ATF6B: variants seen among roughly 807,000 people sequenced by gnomAD.
ATF6B encodes activating transcription factor 6 beta.
ATF6B carries 50 observed loss-of-function variants against 83.5 expected under a neutral mutation model. That is an observed-to-expected ratio of 0.60 (90% CI 0.48 to 0.76). The LOEUF is 0.76. Among genes scored for constraint, ATF6B ranks in the 30% least tolerant of loss-of-function variants. The pLI is 0.00. For missense variants in ATF6B, 790 were observed against 893.8 expected (o/e 0.88, Z 1.48); for synonymous variants, 344 against 362.8 (o/e 0.95, Z 0.59).
At position 32,119,747 on chromosome 6, in the gene ATF6B, C is replaced by G; in HGVS notation, c.966+77G>C. 21 of 1,569,134 alleles carry G rather than the reference C, an allele frequency of 1.3e-5. No individual in the cohort carries two copies. Among genetic ancestry groups the G allele is most frequent in the Non-Finnish European group, 1.8e-5 (21 of 1,154,062 alleles). On this transcript the variant is annotated intron_variant, in intron 9 of 17. Coordinates refer to ENST00000375203, the MANE Select transcript of ATF6B (RefSeq NM_004381.5). The surrounding 1 kb of genome is among the most constrained non-coding windows in gnomAD (Gnocchi z 4.9). ...CCTAGGTATCGACTCCCTCCTCATC[C>G]CACAGTTCTCTCTATGGCAAGACTT...
chr6:32,126,176 G>A lies in ATF6B; in HGVS notation c.419C>T (p.Pro140Leu). Residue 140 changes from proline to leucine, a missense_variant, in exon 5 of 18, where the codon CCA (proline) becomes CTA (leucine). Pro to Leu is a moderately conservative substitution (Grantham distance 98, BLOSUM62 -3). Transcript: ENST00000375203. ...CTGGACGGTTTCAAATGAGGATGTT[G>A]GGTCATCTCCCAGGAGACACAGTGG... ...APPLCLLGDD[P>L]TSSFETVQIN... 1.2e-6 allele frequency: 2 copies of A among 1,614,180 alleles called. No homozygotes were observed. The highest frequency in any genetic ancestry group is 1.7e-6 in the Non-Finnish European group (2 of 1,180,034).
chr6:32,127,766 A>T lies in ATF6B; in HGVS notation c.92-16T>A. The T allele has an allele frequency of 6.2e-7, 1 of 1,613,874 alleles. No homozygotes were observed. The highest frequency in any genetic ancestry group is 1.1e-5 in the South Asian group (1 of 91,078). On this transcript the variant is annotated splice_polypyrimidine_tract_variant and intron_variant, in intron 1 of 17. Coordinates refer to ENST00000375203, the MANE Select transcript of ATF6B (RefSeq NM_004381.5). ...AAGGTGCTGTCTGCAAGAAATGCTG[A>T]GCGTCGGGGGGTCGTTCGGTGGCCC...
At position 32,119,743 on chromosome 6, in the gene ATF6B, C is replaced by T. The variant is rs1378782958; in HGVS notation, c.966+81G>A. 1.3e-6 allele frequency: 2 copies of T among 1,558,568 alleles called. No individual in the cohort carries two copies. Among genetic ancestry groups the T allele is most frequent in the Non-Finnish European group, 1.7e-6 (2 of 1,148,314 alleles). On this transcript the variant is annotated intron_variant, in intron 9 of 17. Coordinates refer to ENST00000375203, the MANE Select transcript of ATF6B (RefSeq NM_004381.5). This position sits in a 1 kb window ranked among gnomAD's most constrained non-coding sequence, Gnocchi z 4.9. ...TTCTCCTAGGTATCGACTCCCTCCT[C>T]ATCCCACAGTTCTCTCTATGGCAAG...
intron 1 of ATF6B, 81 bp from the exon 2 acceptor site, chr6:32,127,831 A>C: frequency 1.4e-6 from 2 of 1,472,792 alleles, no homozygotes; most frequent in Non-Finnish European, 1.9e-6. Flanking sequence ...CCCATCCCTC[A>C]TTGGCTCCGC....
chr6:32,118,730 G>T lies in ATF6B; in HGVS notation c.1244+45C>A. On this transcript the variant is annotated intron_variant, in intron 11 of 17. Transcript: ENST00000375203. This position sits in a 1 kb window ranked among gnomAD's most constrained non-coding sequence, Gnocchi z 5.2. ...AAGCAGGCAGCTAGGAGGCTGTAAC[G>T]TGGGCTCCACCTGGAAGGTTCTAGT... 6.3e-7 allele frequency: 1 copy of T among 1,586,382 alleles called. No individual in the cohort carries two copies. The highest frequency in any genetic ancestry group is 1.3e-5 in the African/African-American group (1 of 74,470).
chr6:32,126,838 T>G (rs1337688050), intron 4 of ATF6B, among the ~76,000 whole-genome samples: 1 of 151,878 alleles, frequency 6.6e-6, no homozygotes, highest in Non-Finnish European at 1.5e-5. Context: ...GTAGTTTGGG[T>G]GACAGAGGGA....
In ATF6B at chr6:32,125,994, C is replaced by T. The variant is rs1781956345; in HGVS notation, c.478+123G>A. 5.6e-6 allele frequency: 8 copies of T among 1,423,980 alleles called. No individual in the cohort carries two copies. The South Asian group carries it at 5.8e-5, about 10-fold the overall frequency. The allele number at this position is 1,423,980 out of a possible 1,614,324, so 88.2% of individuals were successfully genotyped here. A position where few individuals can be genotyped will look rare whatever the true frequency, so the allele number is the denominator to read the frequency against. ...CCCTCCTGGTTTTCTGCCATTTCCC[C>T]TCCCCACCTTTTTCTCCCTGTCCTG... is the stretch of plus-strand genomic sequence containing the variant. On this transcript the variant is annotated intron_variant, in intron 5 of 17. Coordinates refer to ENST00000375203, the MANE Select transcript of ATF6B (RefSeq NM_004381.5). This position sits in a 1 kb window ranked among gnomAD's most constrained non-coding sequence, Gnocchi z 4.1.
chr6:32,128,022 C>T (rs1349367542), intron 1 of ATF6B, 95 bp downstream of exon 1: 10 of 1,451,416 alleles, frequency 6.9e-6, no homozygotes, highest in African/African-American at 1.4e-5. Context: ...TGGCGGATTC[C>T]GTATTTGCCC....
chr6:32,119,268 C>T lies in ATF6B; in HGVS notation c.967-127G>A. 1 of 1,158,172 alleles carries T rather than the reference C, an allele frequency of 8.6e-7. No individual in the cohort carries two copies. The allele number at this position is 1,158,172 out of a possible 1,614,324, so 71.7% of individuals were successfully genotyped here. On this transcript the variant is annotated intron_variant, in intron 9 of 17. Coordinates refer to ENST00000375203, the MANE Select transcript of ATF6B (RefSeq NM_004381.5). This position sits in a 1 kb window ranked among gnomAD's most constrained non-coding sequence, Gnocchi z 4.9. The stretch of plus-strand genomic sequence containing the variant: ...TTCCCCTGCCTTCCTGACCCACCTA[C>T]ATAGCCAGAGAGGTTTTTCCTCTCT...
At position 32,119,893 on chromosome 6, in the gene ATF6B, TAG is replaced by T; in HGVS notation, c.895_896del (p.Leu299ThrfsTer4). ...CGATGCTCTTCCTCTCAGGCCGTGG[TAG>T]AGAGGGAGCCGGCCCTTCAGGCTGG... ...RVQPEGPAPS[L>X]PRPERKSIVP... On this transcript the variant is annotated frameshift_variant, in exon 9 of 18. Coordinates refer to ENST00000375203, the MANE Select transcript of ATF6B (RefSeq NM_004381.5). LOFTEE classifies it high-confidence loss of function. The surrounding 1 kb of genome is among the most constrained non-coding windows in gnomAD (Gnocchi z 4.9). The T allele has an allele frequency of 6.2e-7, 1 of 1,614,042 alleles. No homozygotes were observed. The highest frequency in any genetic ancestry group is 8.5e-7 in the Non-Finnish European group (1 of 1,180,004).
At chr6:32,124,369 G>A (rs1259572635) in intron 5 of ATF6B, among the ~76,000 whole-genome samples, 2 of 152,140 alleles carry the variant, frequency 1.3e-5, no homozygotes, top group African/African-American at 2.4e-5. Context: ...TGTCCAGGAG[G>A]TCACAACTCA....
In ATF6B at chr6:32,119,042, G is replaced by C; in HGVS notation, c.1066C>G (p.Arg356Gly). Residue 356 changes from arginine to glycine, a missense_variant, in exon 10 of 18, where the codon CGG becomes GGG. Coordinates refer to ENST00000375203, the MANE Select transcript of ATF6B (RefSeq NM_004381.5). This position sits in a 1 kb window ranked among gnomAD's most constrained non-coding sequence, Gnocchi z 4.9. ...TTGTCAGCCAGTACTGCTTGCAGCC[G>C]AGCCTCCAGTCCCTGCAGATACTCT... Reference protein sequence around the residue: ...KKEYLQGLEARLQAVLADNQQ... With the variant: ...KKEYLQGLEAGLQAVLADNQQ... The C allele has an allele frequency of 1.9e-6, 3 of 1,614,172 alleles. No homozygotes were observed. The highest frequency in any genetic ancestry group is 2.5e-6 in the Non-Finnish European group (3 of 1,180,030).
rs201313754 is a variant in ATF6B, at chr6:32,117,377, G to A, written c.1560C>T (p.Val520=). The change falls in exon 14 of 18, where the codon GTC becomes GTT. Residue 520 remains valine (V), a synonymous_variant. Transcript: ENST00000375203. This position sits in a 1 kb window ranked among gnomAD's most constrained non-coding sequence, Gnocchi z 5.0. Reference sequence around the variant, plus strand: ...TCCTCCGGCCTCTCTGGTGGCGCTGGACCCAGCCACTCAACTCGTCAGCAA... The same window carrying A: ...TCCTCCGGCCTCTCTGGTGGCGCTGAACCCAGCCACTCAACTCGTCAGCAA... The part of the protein sequence containing the change: ...LRLADELSGW[V]QRHQRGRRKI... 91 of 1,614,076 alleles carry A rather than the reference G, an allele frequency of 5.6e-5. No homozygotes were observed. The South Asian group carries it at 9.6e-4, about 17-fold the overall frequency.
rs992505246 is a variant in ATF6B, at chr6:32,116,229, T to C, written c.1882+251A>G. 1.3e-5 allele frequency among the ~76,000 whole-genome samples: 2 copies of C among 151,204 alleles called. No individual in the cohort carries two copies. The highest frequency in any genetic ancestry group is 6.6e-5 in the Admixed American group (1 of 15,218). On this transcript the variant is annotated intron_variant, in intron 17 of 17. Transcript: ENST00000375203. This position sits in a 1 kb window ranked among gnomAD's most constrained non-coding sequence, Gnocchi z 5.1. ...ATCAAGAGAAAAAAGTAAGTGAGAG[T>C]CTAGCAGGTTCCCGGCCCCCCGCCT...
rs547862996 is a variant in ATF6B at position 32,118,579 on chromosome 6, G to A, written c.1244+196C>T. On this transcript the variant is annotated intron_variant, in intron 11 of 17. Transcript: ENST00000375203. This position sits in a 1 kb window ranked among gnomAD's most constrained non-coding sequence, Gnocchi z 5.2. ...CCACTGCACTCCAGCCTGGGCAACA[G>A]AACAAGGCTCCATCTCCAAGAAAAA... Among the ~76,000 whole-genome samples, 134 of 152,294 alleles carry A rather than the reference G, an allele frequency of 8.8e-4. No individual in the cohort carries two copies. Among genetic ancestry groups the A allele is most frequent in the Middle Eastern group, 3.4e-3 (1 of 294 alleles).
chr6:32,126,369 T>G, intron 4 of ATF6B, 117 bp from the exon 5 acceptor site: 2 of 1,275,460 alleles, frequency 1.6e-6, no homozygotes, highest in Admixed American at 2.6e-5. Context: ...AGCCATCAAT[T>G]ATTTGACATT....
chr6:32,123,011 G>A (rs1298306968), intron 5 of ATF6B, among the ~76,000 whole-genome samples: 1 of 151,886 alleles, frequency 6.6e-6, no homozygotes, highest in Admixed American at 6.6e-5. Flanking sequence ...TGGATTGCTT[G>A]AAGCCAGGAG....
chr6:32,125,631 G>C lies in ATF6B; in HGVS notation c.478+486C>G, dbSNP rs867833314. On this transcript the variant is annotated intron_variant, in intron 5 of 17. Coordinates refer to ENST00000375203, the MANE Select transcript of ATF6B (RefSeq NM_004381.5). This position sits in a 1 kb window ranked among gnomAD's most constrained non-coding sequence, Gnocchi z 4.1. ...AAAAAATTAGCTGGGCGTGGTGGTGGGTGCCTGTAATCCCAGCTACTTGGG... is the reference window on the plus strand; with the variant it reads ...AAAAAATTAGCTGGGCGTGGTGGTGCGTGCCTGTAATCCCAGCTACTTGGG... 1.2e-4 allele frequency among the ~76,000 whole-genome samples: 19 copies of C among 152,112 alleles called. No homozygotes were observed. Among genetic ancestry groups the C allele is most frequent in the African/African-American group, 4.6e-4 (19 of 41,480 alleles).
At position 32,119,974 on chromosome 6, in the gene ATF6B, G is replaced by C. The variant is rs1781690830; in HGVS notation, c.833-17C>G. 1 of 1,612,240 alleles carries C rather than the reference G, an allele frequency of 6.2e-7. No individual in the cohort carries two copies. The highest frequency in any genetic ancestry group is 1.3e-5 in the African/African-American group (1 of 74,886). On this transcript the variant is annotated splice_polypyrimidine_tract_variant and intron_variant, in intron 8 of 17. Transcript: ENST00000375203. This position sits in a 1 kb window ranked among gnomAD's most constrained non-coding sequence, Gnocchi z 4.9. The stretch of plus-strand genomic sequence containing the variant: ...CTGGGGACACTGGGGCAAGTGAGCA[G>C]AGGTCAGAGGGCTGTGCGCTGGGTG...
Sources: gnomAD v4.1 joint callset for allele counts (sites outside exome capture counted in the v4.1 genomes callset) on GRCh38, gnomAD v4.1.1 for gene constraint, Gnocchi (gnomAD v3.1) non-coding constraint, MANE v1.5 for transcripts, NCBI Gene and HGNC (gene_info 2026-07-23, HGNC 2026-07-21) for gene names.